SND1: variants seen among roughly 807,000 people sequenced by gnomAD.
SND1 encodes staphylococcal nuclease and tudor domain containing 1, also known as staphylococcal nuclease domain-containing protein 1.
A neutral mutation model predicts 121.7 loss-of-function variants in SND1; 38 were observed. That is an observed-to-expected ratio of 0.31 (90% CI 0.24 to 0.41). SND1 has a LOEUF of 0.41. Among genes scored for constraint, SND1 ranks in the 10% least tolerant of loss-of-function variants. The pLI is 1.00. For missense variants in SND1, 868 were observed against 1,184.6 expected (o/e 0.73, Z 3.92); for synonymous variants, 401 against 447.4 (o/e 0.90, Z 1.31).
At chr7:127,741,294 C>T (rs1229534796) in intron 10 of SND1, among the ~76,000 whole-genome samples, 1 of 152,180 alleles carries the variant, frequency 6.6e-6, no homozygotes, top group African/African-American at 2.4e-5. Flanking sequence ...TTAACTTTCT[C>T]AAGAAGTAAA....
chr7:127,808,091 T>G (rs1798268323), intron 11 of SND1, among the ~76,000 whole-genome samples: 4 of 147,880 alleles, frequency 2.7e-5, no homozygotes, highest in Non-Finnish European at 6.0e-5. Flanking sequence ...CCTGTGGGAG[T>G]TTTTTTTTTC....
rs187112593 is a variant in SND1, at chr7:128,023,245, G to A, written c.1779+32189G>A. On this transcript the variant is annotated intron_variant, in intron 16 of 23. Coordinates refer to ENST00000354725, the MANE Select transcript of SND1 (RefSeq NM_014390.4). ...TTCTCCTAGCTCTGCAATACTGCTC[G>A]GAAGCCCCACCGGCCCTTTCAGTGC... Among the ~76,000 whole-genome samples the A allele has an allele frequency of 1.8e-4, 27 of 152,114 alleles. No homozygotes were observed. In the East Asian group the frequency reaches 2.7e-3, roughly 15 times the overall value.
chr7:127,803,451 T>C (rs559087226), intron 10 of SND1, among the ~76,000 whole-genome samples: 2 of 152,338 alleles, frequency 1.3e-5, no homozygotes, highest in South Asian at 2.1e-4. Flanking sequence ...TTTTTAAATA[T>C]ATAATTTGTT....
At chr7:127,970,944 TATAA>T (rs139307706) in intron 15 of SND1, among the ~76,000 whole-genome samples, 3 of 151,736 alleles carry the variant, frequency 2.0e-5, no homozygotes, top group Non-Finnish European at 2.9e-5. Flanking sequence ...ACCCTGTCTC[TATAA>T]ATAAATAAAT....
chr7:127,738,388 C>T (rs908587085), intron 10 of SND1, among the ~76,000 whole-genome samples: 3 of 148,472 alleles, frequency 2.0e-5, no homozygotes, highest in Admixed American at 1.4e-4. Context: ...AATCGATTCT[C>T]TTGCCTCAGC....
intron 14 of SND1, among the ~76,000 whole-genome samples, chr7:127,912,645 G>T (rs76919935): frequency 6.6e-6 from 1 of 151,938 alleles, no homozygotes; most frequent in Non-Finnish European, 1.5e-5. Flanking sequence ...TCATTAATTA[G>T]TGGGGTTAAA....
chr7:128,087,120 ATGGGC>A, intron 21 of SND1, 69 bp downstream of exon 21: 1 of 1,154,400 alleles, frequency 8.7e-7, no homozygotes, highest in Admixed American at 1.9e-5. Context: ...AGCAGCCCTC[ATGGGC>A]TGACAGGAGA....
At chr7:128,070,169 A>C (rs1793384408) in intron 16 of SND1, among the ~76,000 whole-genome samples, 1 of 152,138 alleles carries the variant, frequency 6.6e-6, no homozygotes, top group Non-Finnish European at 1.5e-5. Context: ...GTTACCACCA[A>C]GCCCCTTCCT....
In SND1 at chr7:127,738,428, G is replaced by A. The variant is rs185584755; in HGVS notation, c.1152+17028G>A. ...TAAGTAACTGGTATTACAGGCACCTGCCACCACGCTTGTCTAATTTTTTGC... is the reference window on the plus strand; with the variant it reads ...TAAGTAACTGGTATTACAGGCACCTACCACCACGCTTGTCTAATTTTTTGC... On this transcript the variant is annotated intron_variant, in intron 10 of 23. Transcript: ENST00000354725. 7.0e-4 allele frequency among the ~76,000 whole-genome samples: 106 copies of A among 151,910 alleles called. 2 individuals are homozygous for A. In the East Asian group the frequency reaches 0.018, roughly 26 times the overall value.
chr7:128,005,177 C>T (rs557344798), intron 16 of SND1, among the ~76,000 whole-genome samples: 4 of 152,356 alleles, frequency 2.6e-5, no homozygotes, highest in Admixed American at 6.5e-5. Context: ...TTGGGATTCA[C>T]AGCACCTCTC....
At chr7:127,840,340 A>C (rs980716913) in intron 11 of SND1, among the ~76,000 whole-genome samples, 1 of 152,208 alleles carries the variant, frequency 6.6e-6, no homozygotes, top group Non-Finnish European at 1.5e-5. Flanking sequence ...TACGTGCCTC[A>C]TTTGTAAGGG....
At chr7:127,652,699 CCTGT>C (rs1441254782) in intron 1 of SND1, among the ~76,000 whole-genome samples, 12 of 152,250 alleles carry the variant, frequency 7.9e-5, no homozygotes, top group African/African-American at 2.9e-4. Flanking sequence ...ATTCGGATCT[CCTGT>C]CTGTTTACCA....
At chr7:127,703,059 GT>G in intron 6 of SND1, 105 bp from the exon 7 acceptor site, 1 of 1,260,980 alleles carries the variant, frequency 7.9e-7, no homozygotes, top group South Asian at 1.3e-5. Context: ...ACCTTCCTGA[GT>G]TTAGCTTCGT....
At chr7:128,068,182 C>T (rs761977274) in intron 16 of SND1, among the ~76,000 whole-genome samples, 8 of 152,086 alleles carry the variant, frequency 5.3e-5, no homozygotes, top group African/African-American at 9.7e-5. Context: ...GAATTTCCTC[C>T]GTGGTTTGAA....
intron 16 of SND1, among the ~76,000 whole-genome samples, chr7:128,016,681 T>C (rs1803231990): frequency 6.6e-6 from 1 of 152,248 alleles, no homozygotes; most frequent in Non-Finnish European, 1.5e-5. Context: ...AACCTTTTTC[T>C]TTCTCTAAAG....
intron 15 of SND1, among the ~76,000 whole-genome samples, chr7:127,955,494 A>G (rs1391931824): frequency 6.6e-6 from 1 of 152,122 alleles, no homozygotes; most frequent in Non-Finnish European, 1.5e-5. Context: ...CCCCCTAGCC[A>G]GTGGAGTTGT....
At chr7:128,038,688 G>GGT (rs1792796159) in intron 16 of SND1, among the ~76,000 whole-genome samples, 1 of 146,150 alleles carries the variant, frequency 6.8e-6, no homozygotes, top group Non-Finnish European at 1.5e-5. Context: ...ACTGGGTTGG[G>GGT]TTTTTTTTTT....
chr7:127,987,124 C>G (rs1584717894), intron 15 of SND1, among the ~76,000 whole-genome samples: 1 of 152,170 alleles, frequency 6.6e-6, no homozygotes. Context: ...TCTCAACTGG[C>G]TGGGGAGAAC....
At chr7:128,039,869 G>A (rs1455723920) in intron 16 of SND1, among the ~76,000 whole-genome samples, 1 of 152,196 alleles carries the variant, frequency 6.6e-6, no homozygotes, top group African/African-American at 2.4e-5. Flanking sequence ...ACCACTAGCA[G>A]CAGTAAAGGG....
Sources: gnomAD v4.1 joint callset for allele counts (sites outside exome capture counted in the v4.1 genomes callset) on GRCh38, gnomAD v4.1.1 for gene constraint, MANE v1.5 for transcripts, NCBI Gene and HGNC (gene_info 2026-07-23, HGNC 2026-07-21) for gene names.